Variants in SMAD4 observed in about 807,000 individuals in gnomAD.
The protein encoded by SMAD4 is SMAD family member 4.
In SMAD4, 7 loss-of-function variants were observed where a neutral mutation model predicts 63.2. The observed-to-expected ratio is 0.11, with a 90% CI of 0.06 to 0.21. The LOEUF (loss-of-function observed/expected upper bound fraction) is 0.21, where lower values mean the gene tolerates loss of function less well. SMAD4 is among the 10% of genes least tolerant of loss of function. SMAD4 has a pLI of 1.00. For synonymous variants in SMAD4, 215 were observed against 235.4 expected, an observed-to-expected ratio of 0.91 and a Z score of 0.79; for missense variants, 312 against 693.8, an observed-to-expected ratio of 0.45 and a Z score of 6.18.
Position 51,050,853 on chromosome 18 carries a change from T to C in SMAD4, c.454+1529T>C, listed in dbSNP as rs139741470. On this transcript the variant is annotated intron_variant, in intron 4 of 11. Transcript: ENST00000342988. Reference sequence around the variant, plus strand: ...TTTTTTTTTCCACCTTTCTCCCATATCACTGGTAATGGAGGAAGACTCACT... The same window carrying C: ...TTTTTTTTTCCACCTTTCTCCCATACCACTGGTAATGGAGGAAGACTCACT... 1.7e-3 allele frequency among the ~76,000 whole-genome samples: 262 copies of C among 151,978 alleles called. 1 individual carries two copies. The highest frequency in any genetic ancestry group is 6.0e-3 in the African/African-American group (248 of 41,446).
At chr18:51,056,699 T>C (rs1392275044) in intron 5 of SMAD4, among the ~76,000 whole-genome samples, 2 of 148,442 alleles carry the variant, frequency 1.3e-5, no homozygotes, top group African/African-American at 2.5e-5. Flanking sequence ...TGAACTAAAA[T>C]AGAAGATTTG....
In SMAD4 at chr18:51,082,731, A is replaced by G. The variant is rs911568102; in HGVS notation, c.*4264A>G. 9 of 228,626 alleles carry G rather than the reference A, an allele frequency of 3.9e-5. No individual in the cohort carries two copies. The highest frequency in any genetic ancestry group is 1.8e-4 in the African/African-American group (8 of 44,686). The allele number at this position is 228,626 out of a possible 1,614,324, so 14.2% of individuals were successfully genotyped here. On this transcript the variant is annotated 3_prime_UTR_variant, in exon 12 of 12. Coordinates refer to ENST00000342988, the MANE Select transcript of SMAD4 (RefSeq NM_005359.6). ...GAGACAGCTATGGTTTTGAATTTTTAGTTTTTTTTTTTTAACCCACTTCCC... is the reference window on the plus strand; with the variant it reads ...GAGACAGCTATGGTTTTGAATTTTTGGTTTTTTTTTTTTAACCCACTTCCC...
At chr18:51,076,823 T>G in intron 11 of SMAD4, 47 bp downstream of exon 11, 1 of 1,392,742 alleles carries the variant, frequency 7.2e-7, no homozygotes, top group Non-Finnish European at 9.8e-7. Flanking sequence ...AGTTGATATT[T>G]TTATCTTGAT....
chr18:51,084,846 G>A lies in SMAD4; in HGVS notation c.*6379G>A, dbSNP rs1024487250. The A allele has an allele frequency of 4.4e-5, 10 of 226,838 alleles. No individual in the cohort carries two copies. Among genetic ancestry groups the A allele is most frequent in the African/African-American group, 2.2e-4 (10 of 44,964 alleles). 14.1% of individuals were successfully genotyped at this position (226,838 alleles called of 1,614,324 possible). On this transcript the variant is annotated 3_prime_UTR_variant, in exon 12 of 12. Transcript: ENST00000342988. ...CCTCCCCTAAATTCAGAGGAATGCA[G>A]CTATGCCAGAAGCCAGAGAAGAGCC...
Position 51,080,175 on chromosome 18 carries a change from T to G in SMAD4, c.*1708T>G. ...TATATCACCTGGAATGAACACAGCT[T>G]CTACTGCCTTGCTCAGAAGGTCTTT... is the stretch of plus-strand genomic sequence containing the variant. On this transcript the variant is annotated 3_prime_UTR_variant, in exon 12 of 12. Transcript: ENST00000342988. 1 of 232,562 alleles carries G rather than the reference T, an allele frequency of 4.3e-6. No individual in the cohort carries two copies. 14.4% of individuals were successfully genotyped at this position (232,562 alleles called of 1,614,324 possible).
intron 1 of SMAD4, among the ~76,000 whole-genome samples, chr18:51,044,701 G>A (rs1464383602): frequency 6.6e-6 from 1 of 152,132 alleles, no homozygotes; most frequent in Non-Finnish European, 1.5e-5. Flanking sequence ...CCACAATTAA[G>A]CATGTTAATA....
intron 10 of SMAD4, among the ~76,000 whole-genome samples, chr18:51,070,720 G>A (rs1405628397): frequency 6.6e-6 from 1 of 152,102 alleles, no homozygotes; most frequent in East Asian, 1.9e-4. Context: ...TGCTTGGGAT[G>A]TAAAACCTTT....
At chr18:51,073,378 TATATATATATACAC>T (rs1216224955) in intron 10 of SMAD4, among the ~76,000 whole-genome samples, 24 of 86,000 alleles carry the variant, frequency 2.8e-4, no homozygotes, top group Non-Finnish European at 5.2e-4. Context: ...TATATATATA[TATATATATATACAC>T]ACACACACAC....
chr18:51,056,516 G>A (rs1005416289), intron 5 of SMAD4, among the ~76,000 whole-genome samples: 1 of 151,480 alleles, frequency 6.6e-6, no homozygotes, highest in Non-Finnish European at 1.5e-5. Flanking sequence ...CTGCTCCGGG[G>A]GCTGAGGCAG....
intron 8 of SMAD4, among the ~76,000 whole-genome samples, chr18:51,061,614 A>G (rs1027881517): frequency 2.0e-5 from 3 of 152,232 alleles, no homozygotes; most frequent in African/African-American, 7.2e-5. Flanking sequence ...TAATACAGGA[A>G]GTTCCCCCAT....
intron 2 of SMAD4, among the ~76,000 whole-genome samples, chr18:51,048,220 A>G (rs1909603700): frequency 6.6e-6 from 1 of 152,192 alleles, no homozygotes; most frequent in South Asian, 2.1e-4. Context: ...GCAGTGGTGC[A>G]AAACATGGCT....
intron 1 of SMAD4, among the ~76,000 whole-genome samples, chr18:51,045,396 C>A (rs949174713): frequency 6.6e-6 from 1 of 152,096 alleles, no homozygotes; most frequent in East Asian, 1.9e-4. Context: ...AAAATACAAA[C>A]AAGCACACAA....
rs937639833 is a variant in SMAD4 at position 51,084,599 on chromosome 18, C to G, written c.*6132C>G. 1 of 230,082 alleles carries G rather than the reference C, an allele frequency of 4.3e-6. No individual in the cohort carries two copies. The highest frequency in any genetic ancestry group is 8.6e-6 in the Non-Finnish European group (1 of 116,192). The allele number at this position is 230,082 out of a possible 1,614,324, so 14.3% of individuals were successfully genotyped here. A position where few individuals can be genotyped will look rare whatever the true frequency, so the allele number is the denominator to read the frequency against. On this transcript the variant is annotated 3_prime_UTR_variant, in exon 12 of 12. Coordinates refer to ENST00000342988, the MANE Select transcript of SMAD4 (RefSeq NM_005359.6). ...AGCTGCTGTTGCAAAGGCTGCTTGT[C>G]ATTGATAGAAGGACTCACGGGCTTG...
At chr18:51,060,424 TAAAAC>T (rs2144434888) in intron 8 of SMAD4, among the ~76,000 whole-genome samples, 1 of 152,316 alleles carries the variant, frequency 6.6e-6, no homozygotes, top group East Asian at 1.9e-4. Context: ...GTAGAGGTAA[TAAAAC>T]AGAAAACACT....
intron 3 of SMAD4, 74 bp from the exon 4 acceptor site, chr18:51,049,221 C>A (rs1255794590): frequency 1.7e-6 from 2 of 1,151,430 alleles, no homozygotes; most frequent in African/African-American, 1.5e-5. Context: ...AATTTACATT[C>A]TCTGTTTTTA....
chr18:51,049,166 C>T, intron 3 of SMAD4, 129 bp from the exon 4 acceptor site: 3 of 732,388 alleles, frequency 4.1e-6, no homozygotes, highest in Non-Finnish European at 2.4e-6. Flanking sequence ...GTTTATGCTA[C>T]TTCTGAATTG....
rs1024821795 is a variant in SMAD4 at position 51,083,756 on chromosome 18, T to C, written c.*5289T>C. The C allele has an allele frequency of 4.3e-6, 1 of 230,122 alleles. No homozygotes were observed. The highest frequency in any genetic ancestry group is 5.7e-5 in the Admixed American group (1 of 17,686). The allele number at this position is 230,122 out of a possible 1,614,324, so 14.3% of individuals were successfully genotyped here. Reference sequence around the variant, plus strand: ...GAGGGAGTTGGAGTAGATTAATTATTCCAGCTCTGAAATTCTAAGTGACCT... The same window carrying C: ...GAGGGAGTTGGAGTAGATTAATTATCCCAGCTCTGAAATTCTAAGTGACCT... On this transcript the variant is annotated 3_prime_UTR_variant, in exon 12 of 12. Coordinates refer to ENST00000342988, the MANE Select transcript of SMAD4 (RefSeq NM_005359.6).
At chr18:51,065,377 A>G (rs749489514) in intron 8 of SMAD4, 46 bp from the exon 9 acceptor site, 14 of 1,519,430 alleles carry the variant, frequency 9.2e-6, no homozygotes, top group South Asian at 3.4e-5. Context: ...TGAAAGCCTT[A>G]TATCTTTCTC....
intron 1 of SMAD4, among the ~76,000 whole-genome samples, chr18:51,044,538 G>T (rs185386533): frequency 2.0e-5 from 3 of 151,996 alleles, no homozygotes; most frequent in African/African-American, 4.8e-5. Flanking sequence ...GACAACAGGC[G>T]TGTGCCACCA....
Sources: gnomAD v4.1 joint callset for allele counts (sites outside exome capture counted in the v4.1 genomes callset) on GRCh38, gnomAD v4.1.1 for gene constraint, MANE v1.5 for transcripts, NCBI Gene and HGNC (gene_info 2026-07-23, HGNC 2026-07-21) for gene names.